Variants in WDFY3 observed in about 807,000 individuals in gnomAD.
WDFY3 encodes the protein WD repeat and FYVE domain containing 3.
WDFY3 carries 66 observed loss-of-function variants against 409.6 expected under a neutral mutation model. The ratio of observed to expected loss-of-function variants is 0.16; its 90% CI spans 0.13 to 0.20. WDFY3 has a LOEUF of 0.20. Ranked by LOEUF, WDFY3 falls within the 10% of genes least tolerant of loss-of-function variation. The pLI is 1.00. For missense variants in WDFY3, 3,031 were observed against 4,298.1 expected, an observed-to-expected ratio of 0.71 and a Z score of 8.24; for synonymous variants, 1,521 against 1,537.1, an observed-to-expected ratio of 0.99 and a Z score of 0.25.
At chr4:84,943,027 T>G (rs564152151) in intron 1 of WDFY3, among the ~76,000 whole-genome samples, 75 of 152,364 alleles carry the variant, frequency 4.9e-4, no homozygotes, top group African/African-American at 1.7e-3. Context: ...CTTCTGCCTC[T>G]GCCACATCAG....
intron 1 of WDFY3, among the ~76,000 whole-genome samples, chr4:84,935,678 G>A (rs993190224): frequency 2.0e-5 from 3 of 152,024 alleles, no homozygotes; most frequent in South Asian, 2.1e-4. Flanking sequence ...AATAGCAGGC[G>A]GCCAGAAAAC....
At chr4:84,925,174 CA>C (rs1384787641) in intron 2 of WDFY3, among the ~76,000 whole-genome samples, 1 of 152,206 alleles carries the variant, frequency 6.6e-6, no homozygotes, top group Non-Finnish European at 1.5e-5. Flanking sequence ...GCCTCAGTGC[CA>C]TAAGCATTTC....
rs1251280700 is a variant in WDFY3 at position 84,966,394 on chromosome 4, G to A, written c.-411C>T. The A allele has an allele frequency of 4.6e-5, 7 of 151,250 alleles. No homozygotes were observed. The allele number at this position is 151,250 out of a possible 1,614,324, so 9.4% of individuals were successfully genotyped here. On this transcript the variant is annotated 5_prime_UTR_variant, in exon 1 of 68. Transcript: ENST00000295888. ...CCCGAGCTCGATTCTGCGGCCGCGAGGTATGGGAACCGGTCCGCCGGGCCA... is the reference window on the plus strand; with the variant it reads ...CCCGAGCTCGATTCTGCGGCCGCGAAGTATGGGAACCGGTCCGCCGGGCCA...
chr4:84,838,251 C>G (rs1459375540), intron 6 of WDFY3, among the ~76,000 whole-genome samples: 6 of 152,158 alleles, frequency 3.9e-5, no homozygotes, highest in Admixed American at 2.0e-4. Flanking sequence ...ATCATCTCAC[C>G]TATTCCTTAA....
intron 64 of WDFY3, among the ~76,000 whole-genome samples, chr4:84,682,002 T>C (rs1727436655): frequency 6.6e-6 from 1 of 152,192 alleles, no homozygotes; most frequent in African/African-American, 2.4e-5. Context: ...GCCAGCCCCA[T>C]GGTGGGCAGA....
chr4:84,689,370 A>C (rs1431255813), intron 61 of WDFY3, among the ~76,000 whole-genome samples: 2 of 152,244 alleles, frequency 1.3e-5, no homozygotes, highest in African/African-American at 2.4e-5. Context: ...TTAAGCAGGA[A>C]GTCCTTTTTC....
chr4:84,954,428 G>A (rs1232106442), intron 1 of WDFY3, among the ~76,000 whole-genome samples: 1 of 152,010 alleles, frequency 6.6e-6, no homozygotes, highest in Non-Finnish European at 1.5e-5. Context: ...GCAATGCCAT[G>A]GGGAAAGAAC....
intron 2 of WDFY3, among the ~76,000 whole-genome samples, chr4:84,912,512 T>C (rs1245558189): frequency 1.3e-5 from 2 of 152,204 alleles, no homozygotes; most frequent in Admixed American, 6.5e-5. Context: ...AGTCATTATA[T>C]GACAATTTAA....
chr4:84,887,157 T>A (rs918567254), intron 3 of WDFY3, among the ~76,000 whole-genome samples: 1 of 151,814 alleles, frequency 6.6e-6, no homozygotes, highest in African/African-American at 2.4e-5. Flanking sequence ...AGAAACTGAG[T>A]GGTAGCAAAG....
intron 10 of WDFY3, among the ~76,000 whole-genome samples, chr4:84,823,191 A>C (rs1754339609): frequency 6.6e-6 from 1 of 152,280 alleles, no homozygotes; most frequent in Non-Finnish European, 1.5e-5. Context: ...TCTCAGATAT[A>C]TGTAGTCATA....
Position 84,890,810 on chromosome 4 carries a change from CATTT to C in WDFY3, c.-32+6097_-32+6100del, listed in dbSNP as rs1190407168. ...AATAAATACTGACATTTGAATTTCA[CATTT>C]TTTTCATTTTTAATTGGAGAAAGTA... On this transcript the variant is annotated intron_variant, in intron 3 of 67. Transcript: ENST00000295888. Among the ~76,000 whole-genome samples, 7 of 152,244 alleles carry C rather than the reference CATTT, an allele frequency of 4.6e-5. No homozygotes were observed. The East Asian group carries it at 1.4e-3, about 29-fold the overall frequency.
rs772410718 is a variant in WDFY3 at position 84,684,096 on chromosome 4, A to G, written c.9573T>C (p.Tyr3191=). The change falls in exon 63 of 68, where the codon TAT becomes TAC. Residue 3191 remains tyrosine, a synonymous_variant. Coordinates refer to ENST00000295888, the MANE Select transcript of WDFY3 (RefSeq NM_014991.6). The part of the protein sequence containing the change: ...TGDIVSCAGT[Y]IHVWSINGNP... ...TCCCATTGATGCTCCACACATGGAT[A>G]TATGTGCCAGCGCAGGACACAATGT... is the stretch of plus-strand genomic sequence containing the variant. The G allele has an allele frequency of 6.9e-6, 11 of 1,605,040 alleles. No homozygotes were observed. The highest frequency in any genetic ancestry group is 3.3e-5 in the Admixed American group (2 of 59,844).
chr4:84,845,758 G>C (rs909400800), intron 5 of WDFY3, among the ~76,000 whole-genome samples: 11 of 151,826 alleles, frequency 7.2e-5, no homozygotes. Flanking sequence ...ATCTTCCAAT[G>C]TTCTAAACTA....
At chr4:84,907,045 G>A (rs554915871) in intron 2 of WDFY3, among the ~76,000 whole-genome samples, 23 of 152,034 alleles carry the variant, frequency 1.5e-4, no homozygotes, top group Non-Finnish European at 2.6e-4. Flanking sequence ...TGCATCCATG[G>A]ATGTGGAACC....
At chr4:84,852,282 A>G (rs1020777915) in intron 4 of WDFY3, among the ~76,000 whole-genome samples, 1 of 152,222 alleles carries the variant, frequency 6.6e-6, no homozygotes, top group Non-Finnish European at 1.5e-5. Flanking sequence ...GGAGGGATGG[A>G]GCTGAATGGT....
In WDFY3 at chr4:84,739,003, C is replaced by A. The variant is rs1296081580; in HGVS notation, c.6574+7G>T. 2 of 1,612,062 alleles carry A rather than the reference C, an allele frequency of 1.2e-6. No individual in the cohort carries two copies. Among genetic ancestry groups the A allele is most frequent in the Non-Finnish European group, 1.7e-6 (2 of 1,178,128 alleles). On this transcript the variant is annotated splice_region_variant and intron_variant, in intron 40 of 67. Transcript: ENST00000295888. ...AATTTAAAAACATCCCAAGTCAAGGCAATTACCTTCACTAATATCTTGGCT... is the reference window on the plus strand; with the variant it reads ...AATTTAAAAACATCCCAAGTCAAGGAAATTACCTTCACTAATATCTTGGCT...
At chr4:84,693,602 T>C (rs559319564) in intron 58 of WDFY3, among the ~76,000 whole-genome samples, 12 of 152,266 alleles carry the variant, frequency 7.9e-5, no homozygotes, top group African/African-American at 2.6e-4. Flanking sequence ...TTCTACAGGA[T>C]TAAAAATATT....
At chr4:84,882,798 C>T (rs571448722) in intron 3 of WDFY3, among the ~76,000 whole-genome samples, 3 of 151,832 alleles carry the variant, frequency 2.0e-5, no homozygotes, top group South Asian at 2.1e-4. Flanking sequence ...ACTGAAGCCT[C>T]GACCTCCTAG....
chr4:84,778,761 A>G (rs946522352), intron 26 of WDFY3, 106 bp from the exon 27 acceptor site: 1 of 929,002 alleles, frequency 1.1e-6, no homozygotes, highest in Admixed American at 3.2e-5. Flanking sequence ...ACACACACAA[A>G]CACACACATA....
Sources: gnomAD v4.1 joint callset for allele counts (sites outside exome capture counted in the v4.1 genomes callset) on GRCh38, gnomAD v4.1.1 for gene constraint, MANE v1.5 for transcripts, NCBI Gene and HGNC (gene_info 2026-07-23, HGNC 2026-07-21) for gene names.